Variants in MBTD1 observed in about 807,000 individuals in gnomAD.
MBTD1 encodes MBT domain-containing protein 1.
MBTD1 carries 24 observed loss-of-function variants against 87.8 expected under a neutral mutation model. The observed-to-expected ratio is 0.27, with a 90% CI of 0.20 to 0.38. The LOEUF (loss-of-function observed/expected upper bound fraction) is 0.38. Ranked by LOEUF, MBTD1 falls within the 10% of genes least tolerant of loss-of-function variation. The pLI is 1.00. For synonymous variants in MBTD1, 237 were observed against 248.6 expected (o/e 0.95, Z 0.44); for missense variants, 436 against 760.2 (o/e 0.57, Z 5.02).
Position 51,220,996 on chromosome 17 carries a change from A to C in MBTD1, c.155-533T>G, listed in dbSNP as rs2052855590. Among the ~76,000 whole-genome samples the C allele has an allele frequency of 2.0e-5, 3 of 152,340 alleles. No individual in the cohort carries two copies. The South Asian group carries it at 6.2e-4, about 32-fold the overall frequency. ...GGGGACAAAAAAAAGGAATGGGTTC[A>C]AAGTTTGAGGTAGAGGCCAGGTGTA... On this transcript the variant is annotated intron_variant, in intron 3 of 16. Coordinates refer to ENST00000586178, the MANE Select transcript of MBTD1 (RefSeq NM_017643.3).
intron 6 of MBTD1, chr17:51,209,384 T>C (rs1343119908): frequency 2.1e-6 from 1 of 471,206 alleles, no homozygotes; most frequent in Non-Finnish European, 4.4e-6. Flanking sequence ...CACCACTTCC[T>C]GCTCCAGGGC....
At chr17:51,260,935 G>A (rs543824658), upstream of MBTD1, 18 of 1,537,508 alleles carry the variant, frequency 1.2e-5, no homozygotes, top group African/African-American at 2.3e-4. Context: ...GGGTGAGGGA[G>A]GCCGCGGCGC....
intron 6 of MBTD1, among the ~76,000 whole-genome samples, chr17:51,212,894 T>A (rs2052333529): frequency 6.6e-6 from 1 of 152,004 alleles, no homozygotes; most frequent in Non-Finnish European, 1.5e-5. Context: ...GTCTAGCTAA[T>A]TTTTTTTCTA....
intron 2 of MBTD1, among the ~76,000 whole-genome samples, chr17:51,248,199 G>T (rs947159390): frequency 6.6e-6 from 1 of 152,140 alleles, no homozygotes; most frequent in Non-Finnish European, 1.5e-5. Flanking sequence ...TCAACTAGAC[G>T]TATAGTTCTT....
At chr17:51,257,470 C>T (rs1232790958) in intron 2 of MBTD1, among the ~76,000 whole-genome samples, 1 of 152,140 alleles carries the variant, frequency 6.6e-6, no homozygotes, top group Non-Finnish European at 1.5e-5. Context: ...CCTTTGATCA[C>T]TATGTTACAT....
chr17:51,204,506 T>C (rs1200049130), intron 7 of MBTD1, among the ~76,000 whole-genome samples: 1 of 147,282 alleles, frequency 6.8e-6, no homozygotes, highest in Non-Finnish European at 1.5e-5. Flanking sequence ...ATTATATATA[T>C]ATATATATTT....
At chr17:51,192,164 CAATT>C (rs1216580532) in intron 16 of MBTD1, 35 bp downstream of exon 16, 3 of 1,358,870 alleles carry the variant, frequency 2.2e-6, no homozygotes, top group Non-Finnish European at 3.1e-6. Context: ...AATTAGTTAA[CAATT>C]AGAAAATGTA....
intron 6 of MBTD1, among the ~76,000 whole-genome samples, chr17:51,212,302 G>A (rs752725845): frequency 2.7e-5 from 4 of 150,884 alleles, no homozygotes; most frequent in Admixed American, 2.0e-4. Context: ...AGGTTGCAGT[G>A]AGTCGAGATC....
At position 51,207,004 on chromosome 17, in the gene MBTD1, G is replaced by A. The variant is rs750792971; in HGVS notation, c.488C>T (p.Ala163Val). The A allele has an allele frequency of 4.5e-6, 7 of 1,549,900 alleles. No homozygotes were observed. The highest frequency in any genetic ancestry group is 4.1e-5 in the African/African-American group (3 of 73,550). ...IAAPVTCFKH[A>V]PMGTCWGDIS... The stretch of plus-strand genomic sequence containing the variant: ...ATCACCCCAGCAGGTCCCCATAGGT[G>A]CCTGTCACATAAAAATCATTAAATT... The change falls in exon 7 of 17, where the codon GCA becomes GTA. Residue 163 changes from alanine to valine, a missense_variant and splice_region_variant. Coordinates refer to ENST00000586178, the MANE Select transcript of MBTD1 (RefSeq NM_017643.3).
chr17:51,260,956 C>T, upstream of MBTD1: 2 of 1,466,824 alleles, frequency 1.4e-6, no homozygotes, highest in Non-Finnish European at 1.8e-6. Context: ...GCGGGCTGGG[C>T]GCACTCGGGC....
chr17:51,236,967 G>A (rs1400957454), intron 2 of MBTD1, among the ~76,000 whole-genome samples: 1 of 151,982 alleles, frequency 6.6e-6, no homozygotes, highest in African/African-American at 2.4e-5. Context: ...TAAGCAAGAA[G>A]TTTTTAGCTA....
intron 2 of MBTD1, among the ~76,000 whole-genome samples, chr17:51,238,859 G>T (rs147613360): frequency 6.6e-5 from 10 of 152,284 alleles, no homozygotes; most frequent in Non-Finnish European, 1.3e-4. Context: ...CAGAACTTTG[G>T]GAGGCTGAGG....
intron 3 of MBTD1, among the ~76,000 whole-genome samples, chr17:51,224,454 G>A (rs1428695877): frequency 1.3e-5 from 2 of 152,162 alleles, no homozygotes; most frequent in Non-Finnish European, 2.9e-5. Flanking sequence ...GCAAAACTAA[G>A]ACCAAAAGAT....
intron 12 of MBTD1, among the ~76,000 whole-genome samples, chr17:51,200,471 A>G (rs1258471535): frequency 2.8e-5 from 4 of 144,020 alleles, no homozygotes. Flanking sequence ...AGGAAGCTGA[A>G]GTGGGAGAAT....
chr17:51,259,709 A>G, intron 1 of MBTD1, 126 bp downstream of exon 1: 1 of 892,452 alleles, frequency 1.1e-6, no homozygotes, highest in Non-Finnish European at 1.5e-6. Context: ...CCGGAGGTTG[A>G]GAGGGCGTGG....
chr17:51,203,256 C>G (rs186536728), intron 8 of MBTD1, 28 bp from the exon 9 acceptor site: 1 of 1,208,260 alleles, frequency 8.3e-7, no homozygotes, highest in East Asian at 2.5e-5. Context: ...ATCAGTTATA[C>G]TTTAGCAAAA....
chr17:51,192,332 C>CAACTGTATCGTCTAAATT, intron 15 of MBTD1, 52 bp from the exon 16 acceptor site: 5 of 1,267,900 alleles, frequency 3.9e-6, no homozygotes, highest in Non-Finnish European at 5.6e-6. Flanking sequence ...ACAATTTAGA[C>CAACTGTATCGTCTAAATT]GATACAGTTG....
chr17:51,209,330 G>T (rs944367378), intron 6 of MBTD1: 1 of 470,522 alleles, frequency 2.1e-6, no homozygotes. Flanking sequence ...GACTCAGGAC[G>T]CGAGGTCCAC....
intron 2 of MBTD1, among the ~76,000 whole-genome samples, chr17:51,258,892 C>T (rs1056960172): frequency 1.3e-5 from 2 of 152,204 alleles, no homozygotes; most frequent in South Asian, 2.1e-4. Flanking sequence ...TCTCAACCCC[C>T]CTTCCTCCAC....
Sources: allele counts gnomAD v4.1 joint callset (sites outside exome capture counted in the v4.1 genomes callset), GRCh38; gene constraint gnomAD v4.1.1; transcripts MANE v1.5; gene names NCBI Gene and HGNC (gene_info 2026-07-23, HGNC 2026-07-21).